The following ESD variants were observed in gnomAD, a reference collection of about 807,000 sequenced individuals.
ESD encodes the protein S-formylglutathione hydrolase.
In ESD, 34 loss-of-function variants were observed where a neutral mutation model predicts 38.1. That is an observed-to-expected ratio of 0.89 (90% CI 0.68 to 1.19). The LOEUF is 1.19. ESD is among the 50% of genes most tolerant of loss of function. The pLI is 0.00. For synonymous variants in ESD, 97 were observed against 107.0 expected (o/e 0.91, Z 0.58); for missense variants, 334 against 327.2 (o/e 1.02, Z -0.16).
Position 46,784,245 on chromosome 13 carries a change from C to T in ESD, c.256+7G>A, listed in dbSNP as rs546188314. Reference sequence around the variant, plus strand: ...TTACAAAGGATATCTAGACCACAAACACTTACGAGGGCTGGTATCTGGAGC... The same window carrying T: ...TTACAAAGGATATCTAGACCACAAATACTTACGAGGGCTGGTATCTGGAGC... On this transcript the variant is annotated splice_region_variant and intron_variant, in intron 5 of 9. Transcript: ENST00000378720. 11 of 1,606,164 alleles carry T rather than the reference C, an allele frequency of 6.8e-6. No individual in the cohort carries two copies. In the East Asian group the frequency reaches 2.5e-4, roughly 36 times the overall value.
chr13:46,781,747 GAAAAC>G (rs1396206612), intron 6 of ESD, 132 bp from the exon 7 acceptor site: 56 of 793,774 alleles, frequency 7.1e-5, no homozygotes, highest in Non-Finnish European at 1.1e-4. Context: ...TAGTAACAAT[GAAAAC>G]AAAACAAAAC....
chr13:46,796,869 T>C (rs1875601360), intron 1 of ESD, among the ~76,000 whole-genome samples: 1 of 152,206 alleles, frequency 6.6e-6, no homozygotes, highest in Non-Finnish European at 1.5e-5. Flanking sequence ...CGGGTTACAC[T>C]AGGTTGGAGG....
intron 4 of ESD, among the ~76,000 whole-genome samples, chr13:46,786,351 A>C (rs1875192178): frequency 6.6e-6 from 1 of 152,050 alleles, no homozygotes; most frequent in South Asian, 2.1e-4. Flanking sequence ...AAACAAAATT[A>C]AAATAGTACT....
chr13:46,797,176 C>T (rs1875620663), upstream of ESD: 1 of 152,364 alleles, frequency 6.6e-6, no homozygotes, highest in Non-Finnish European at 1.5e-5. Flanking sequence ...GCCGGGGCCT[C>T]GCCTCAGCCC....
At position 46,782,730 on chromosome 13, in the gene ESD, A is replaced by G. The variant is rs1875051297; in HGVS notation, c.318T>C (p.Tyr106=). The G allele has an allele frequency of 2.5e-6, 4 of 1,612,424 alleles. No homozygotes were observed. Among genetic ancestry groups the G allele is most frequent in the Non-Finnish European group, 3.4e-6 (4 of 1,178,874 alleles). The change falls in exon 6 of 10, where the codon TAT becomes TAC. Residue 106 remains tyrosine (Y), a synonymous_variant. Transcript: ENST00000378720. ...TCCAAGGATCTTCAGTGGCATCAAC[A>G]TAAAATCCAGCACCAGTGCCAAAGT... The part of the protein sequence containing the change: ...SWDFGTGAGF[Y]VDATEDPWKT...
chr13:46,779,703 A>ATT lies in ESD; in HGVS notation c.600+230_600+231dup, dbSNP rs553897826. 3.2e-3 allele frequency among the ~76,000 whole-genome samples: 459 copies of ATT among 144,290 alleles called. 4 individuals are homozygous for ATT. The highest frequency in any genetic ancestry group is 0.011 in the African/African-American group (443 of 39,068). 94.7% of individuals were successfully genotyped at this position (144,290 alleles called of 152,430 possible). A position where few individuals can be genotyped will look rare whatever the true frequency, so the allele number is the denominator to read the frequency against. On this transcript the variant is annotated intron_variant, in intron 8 of 9. Transcript: ENST00000378720. ...AATTAGAAAGTAGGGTTTTTTGTTG[A>ATT]TTTATATATATATATATATAAAATA...
chr13:46,782,542 A>AC (rs1252588259), intron 6 of ESD, 125 bp downstream of exon 6: 7 of 953,398 alleles, frequency 7.3e-6, no homozygotes, highest in Non-Finnish European at 1.1e-5. Context: ...GTACTAGCAA[A>AC]CTTTGGAATT....
At chr13:46,772,170 A>G (rs1874629568) in intron 9 of ESD, among the ~76,000 whole-genome samples, 1 of 152,220 alleles carries the variant, frequency 6.6e-6, no homozygotes, top group Non-Finnish European at 1.5e-5. Flanking sequence ...GAGGGGAAAT[A>G]TGTCATTAAG....
chr13:46,789,164 ACT>A (rs1875303602), intron 3 of ESD, among the ~76,000 whole-genome samples: 1 of 151,956 alleles, frequency 6.6e-6, no homozygotes, highest in African/African-American at 2.4e-5. Context: ...TCATCTGGAA[ACT>A]CTTTCTCCTC....
At chr13:46,781,292 C>G (rs1354654938) in intron 7 of ESD, among the ~76,000 whole-genome samples, 3 of 151,684 alleles carry the variant, frequency 2.0e-5, no homozygotes, top group Non-Finnish European at 3.0e-5. Context: ...TAAGAAAGCA[C>G]TCTTGCTGAA....
At chr13:46,775,661 A>C (rs1874771558) in intron 9 of ESD, 1 of 470,606 alleles carries the variant, frequency 2.1e-6, no homozygotes, top group Admixed American at 2.4e-5. Flanking sequence ...AATCCGCTTC[A>C]AGCTATGTAG....
At chr13:46,772,832 ATG>A (rs1473982957) in intron 9 of ESD, among the ~76,000 whole-genome samples, 2 of 151,960 alleles carry the variant, frequency 1.3e-5, no homozygotes, top group Non-Finnish European at 2.9e-5. Context: ...CTACAGGTGC[ATG>A]CCACCATGCC....
intron 3 of ESD, chr13:46,790,498 T>C (rs1027708528): frequency 3.3e-5 from 5 of 152,194 alleles, no homozygotes; most frequent in Admixed American, 3.3e-4. Context: ...AGAAACTCAG[T>C]GTGCAAACTT....
chr13:46,794,153 C>A (rs1875493065), intron 1 of ESD, among the ~76,000 whole-genome samples: 1 of 94,508 alleles, frequency 1.1e-5, no homozygotes, highest in African/African-American at 4.5e-5. Context: ...TCCTCCTTCC[C>A]CTCCAAAAAA....
chr13:46,788,631 A>G (rs962702841), intron 3 of ESD, among the ~76,000 whole-genome samples: 20 of 151,376 alleles, frequency 1.3e-4, no homozygotes, highest in Non-Finnish European at 3.0e-5. Context: ...AATCAGGTCT[A>G]AAGTATGTTC....
chr13:46,772,933 C>T (rs1039199456), intron 9 of ESD, among the ~76,000 whole-genome samples: 2 of 152,148 alleles, frequency 1.3e-5, no homozygotes, highest in African/African-American at 2.4e-5. Flanking sequence ...ATCCGTCCAC[C>T]TTAGCCTCCC....
chr13:46,778,279 T>C (rs1015369407), intron 8 of ESD, among the ~76,000 whole-genome samples: 1 of 151,866 alleles, frequency 6.6e-6, no homozygotes, highest in Non-Finnish European at 1.5e-5. Context: ...CTTATTCATA[T>C]ATATTCATTA....
intron 9 of ESD, among the ~76,000 whole-genome samples, chr13:46,773,129 A>G (rs1726224477): frequency 1.3e-5 from 2 of 152,060 alleles, no homozygotes; most frequent in African/African-American, 2.4e-5. Context: ...TTCTTTATTT[A>G]GTCTATCACC....
chr13:46,796,484 G>A (rs1442545671), intron 1 of ESD, among the ~76,000 whole-genome samples: 1 of 152,140 alleles, frequency 6.6e-6, no homozygotes, highest in African/African-American at 2.4e-5. Context: ...TTCCAGGTGC[G>A]CTCAATCCCA....
Sources: gnomAD v4.1 joint callset for allele counts (sites outside exome capture counted in the v4.1 genomes callset) on GRCh38, gnomAD v4.1.1 for gene constraint, MANE v1.5 for transcripts, NCBI Gene and HGNC (gene_info 2026-07-23, HGNC 2026-07-21) for gene names.